Variants in BRINP3 observed in about 807,000 individuals in gnomAD.
BRINP3 encodes BMP/retinoic acid inducible neural specific 3, also known as BMP/retinoic acid-inducible neural-specific protein 3.
In BRINP3, 19 loss-of-function variants were observed where a neutral mutation model predicts 71.0. The ratio of observed to expected loss-of-function variants is 0.27; its 90% CI spans 0.19 to 0.39. The LOEUF (loss-of-function observed/expected upper bound fraction) is 0.39, where lower values mean the gene tolerates loss of function less well. BRINP3 is among the 10% of genes least tolerant of loss of function. The pLI, the probability that BRINP3 is intolerant of heterozygous loss-of-function variation, is 1.00. For missense variants in BRINP3, 959 were observed against 940.8 expected, an observed-to-expected ratio of 1.02 and a Z score of -0.25; for synonymous variants, 380 against 337.7, an observed-to-expected ratio of 1.13 and a Z score of -1.37.
chr1:190,350,822 GTT>G (rs35410824), intron 2 of BRINP3, among the ~76,000 whole-genome samples: 1,822 of 132,996 alleles, frequency 0.014, 30 homozygotes, highest in African/African-American at 0.039. Context: ...AGTTCACCTT[GTT>G]TTTTTTTTTT....
chr1:190,164,587 A>AT (rs1651315260), intron 6 of BRINP3, among the ~76,000 whole-genome samples: 1 of 151,964 alleles, frequency 6.6e-6, no homozygotes, highest in African/African-American at 2.4e-5. Flanking sequence ...TCAGACATTG[A>AT]TTTTTTATTT....
Position 190,281,766 on chromosome 1 carries a change from A to G in BRINP3, c.237-16T>C. 1 of 1,600,244 alleles carries G rather than the reference A, an allele frequency of 6.2e-7. No homozygotes were observed. Among genetic ancestry groups the G allele is most frequent in the Non-Finnish European group, 8.5e-7 (1 of 1,174,184 alleles). ...GCCAAACTCCCTGAAAAGCAAATTT[A>G]TTTTTATTCATAAATGCATAATCTA... On this transcript the variant is annotated splice_polypyrimidine_tract_variant and intron_variant, in intron 2 of 7. Transcript: ENST00000367462.
chr1:190,269,343 A>G (rs12022837), intron 3 of BRINP3, among the ~76,000 whole-genome samples: 63,198 of 151,850 alleles, frequency 0.42, 13,713 homozygotes, highest in Non-Finnish European at 0.49. Context: ...ACTAGAGGAA[A>G]GTTCATGAAA....
At chr1:190,423,541 C>G (rs1042881304) in intron 2 of BRINP3, among the ~76,000 whole-genome samples, 2 of 151,712 alleles carry the variant, frequency 1.3e-5, no homozygotes, top group Non-Finnish European at 2.9e-5. Flanking sequence ...ATTATTTTAC[C>G]TTTACTTATT....
chr1:190,235,377 T>C (rs1329102955), intron 4 of BRINP3, among the ~76,000 whole-genome samples: 1 of 152,074 alleles, frequency 6.6e-6, no homozygotes, highest in Non-Finnish European at 1.5e-5. Context: ...TTTAAAACTA[T>C]TTAAAGCAGA....
At position 190,405,492 on chromosome 1, in the gene BRINP3, AC is replaced by A. The variant is rs1672221774; in HGVS notation, c.236+49162del. 5.8e-3 allele frequency among the ~76,000 whole-genome samples: 252 copies of A among 43,562 alleles called. 77 individuals carry two copies. The highest frequency in any genetic ancestry group is 7.9e-3 in the Non-Finnish European group (167 of 21,082). 28.6% of individuals were successfully genotyped at this position (43,562 alleles called of 152,430 possible). ...AAAAAAAAAAAAAAAAAAAAAAAAA[AC>A]CAGAATCAGAAGCGTGACATATCAT... On this transcript the variant is annotated intron_variant, in intron 2 of 7. Coordinates refer to ENST00000367462, the MANE Select transcript of BRINP3 (RefSeq NM_199051.3).
At chr1:190,389,834 G>A (rs1671139966) in intron 2 of BRINP3, among the ~76,000 whole-genome samples, 1 of 151,710 alleles carries the variant, frequency 6.6e-6, no homozygotes, top group African/African-American at 2.4e-5. Context: ...GGTAGGTTGA[G>A]CCGAAATTCT....
chr1:190,214,704 G>A (rs775207349), intron 6 of BRINP3, among the ~76,000 whole-genome samples: 1 of 151,924 alleles, frequency 6.6e-6, no homozygotes, highest in Non-Finnish European at 1.5e-5. Context: ...CTGTCAGCCT[G>A]AGTGTTGGAA....
intron 6 of BRINP3, among the ~76,000 whole-genome samples, chr1:190,198,616 T>G (rs1654710257): frequency 6.6e-6 from 1 of 152,146 alleles, no homozygotes; most frequent in Non-Finnish European, 1.5e-5. Flanking sequence ...TTCACAAATC[T>G]CTAGGGCAGG....
rs544955934 is a variant in BRINP3 at position 190,300,523 on chromosome 1, C to T, written c.237-18773G>A. ...CAGTAACCTCTGCAGACTTAAATGT[C>T]CCTGTCTGACAGATTTGAAGAGAGC... On this transcript the variant is annotated intron_variant, in intron 2 of 7. Coordinates refer to ENST00000367462, the MANE Select transcript of BRINP3 (RefSeq NM_199051.3). Among the ~76,000 whole-genome samples, 499 of 152,260 alleles carry T rather than the reference C, an allele frequency of 3.3e-3. 5 individuals are homozygous for T. The highest frequency in any genetic ancestry group is 0.011 in the African/African-American group (470 of 41,546).
intron 2 of BRINP3, among the ~76,000 whole-genome samples, chr1:190,384,274 G>T (rs896370501): frequency 1.3e-5 from 2 of 151,164 alleles, no homozygotes; most frequent in African/African-American, 4.9e-5. Flanking sequence ...ATTATTTTAT[G>T]TTTTATACAA....
At chr1:190,193,949 C>T (rs919845576) in intron 6 of BRINP3, among the ~76,000 whole-genome samples, 4 of 152,056 alleles carry the variant, frequency 2.6e-5, no homozygotes, top group African/African-American at 9.7e-5. Context: ...CCTAAATTAT[C>T]CTCCGGTATT....
chr1:190,212,506 C>T (rs1288912282), intron 6 of BRINP3, among the ~76,000 whole-genome samples: 2 of 152,096 alleles, frequency 1.3e-5, no homozygotes, highest in Non-Finnish European at 2.9e-5. Flanking sequence ...TATATATCCT[C>T]ATCTGAGATT....
intron 2 of BRINP3, among the ~76,000 whole-genome samples, chr1:190,426,487 A>T (rs1437741027): frequency 1.3e-5 from 2 of 151,846 alleles, no homozygotes; most frequent in Admixed American, 1.3e-4. Context: ...CTAATCCAAA[A>T]ATTCCAAATC....
At chr1:190,230,194 C>T (rs949333067) in intron 5 of BRINP3, among the ~76,000 whole-genome samples, 5 of 151,498 alleles carry the variant, frequency 3.3e-5, no homozygotes, top group African/African-American at 1.2e-4. Flanking sequence ...AGGCCTAAAC[C>T]ACATTTAAAT....
intron 7 of BRINP3, among the ~76,000 whole-genome samples, chr1:190,122,706 GT>G (rs1653774614): frequency 6.6e-6 from 1 of 152,106 alleles, no homozygotes; most frequent in South Asian, 2.1e-4. Context: ...TTGTGCACAT[GT>G]ACCCTAAAAC....
intron 3 of BRINP3, among the ~76,000 whole-genome samples, chr1:190,275,165 G>T (rs1662447787): frequency 6.6e-6 from 1 of 151,554 alleles, no homozygotes; most frequent in South Asian, 2.1e-4. Context: ...TCGCTCTGAG[G>T]TTAGGTGGCA....
intron 3 of BRINP3, among the ~76,000 whole-genome samples, chr1:190,280,827 A>C (rs10920684): frequency 0.39 from 58,460 of 151,724 alleles, 12,647 homozygotes; most frequent in Non-Finnish European, 0.49. Flanking sequence ...AGTCAAACAC[A>C]AAATTAAATA....
chr1:190,452,326 C>T (rs1675666707), intron 2 of BRINP3, among the ~76,000 whole-genome samples: 1 of 152,136 alleles, frequency 6.6e-6, no homozygotes, highest in Non-Finnish European at 1.5e-5. Context: ...GAAGTTGTAA[C>T]CTAGCTCCAT....
Sources: allele counts gnomAD v4.1 joint callset (sites outside exome capture counted in the v4.1 genomes callset), GRCh38; gene constraint gnomAD v4.1.1; transcripts MANE v1.5; gene names NCBI Gene and HGNC (gene_info 2026-07-23, HGNC 2026-07-21).